The following ABLIM3 variants were observed in gnomAD, a reference collection of about 807,000 sequenced individuals.
ABLIM3 encodes the protein actin-binding LIM protein 3.
A neutral mutation model predicts 109.5 loss-of-function variants in ABLIM3; 61 were observed. That is an observed-to-expected ratio of 0.56 (90% confidence interval 0.45 to 0.69). ABLIM3 has a LOEUF of 0.69. ABLIM3 is among the 30% of genes least tolerant of loss of function. The pLI is 0.00. For missense variants in ABLIM3, 796 were observed against 889.5 expected (o/e 0.89, Z 1.34); for synonymous variants, 300 against 324.8 (o/e 0.92, Z 0.82).
At chr5:149,190,683 A>G (rs1757402423) in intron 3 of ABLIM3, among the ~76,000 whole-genome samples, 1 of 152,208 alleles carries the variant, frequency 6.6e-6, no homozygotes, top group Admixed American at 6.5e-5. Flanking sequence ...CTGTCTCAAA[A>G]CAAAACAAAA....
chr5:149,163,972 AC>A (rs1754609187), intron 2 of ABLIM3: 1 of 152,116 alleles, frequency 6.6e-6, no homozygotes, highest in South Asian at 2.1e-4. Flanking sequence ...TTTCCAACAT[AC>A]TTTTTTATTG....
chr5:149,183,418 C>A (rs6887628), intron 2 of ABLIM3, 34 bp from the exon 3 acceptor site: 505,257 of 1,479,172 alleles, frequency 0.34, 88,638 homozygotes, highest in East Asian at 0.51. Flanking sequence ...AGAATCAGGG[C>A]CTCTGGATAG....
chr5:149,258,500 C>T lies in ABLIM3; in HGVS notation c.*96C>T, dbSNP rs896661255. 2.2e-5 allele frequency: 32 copies of T among 1,423,614 alleles called. No individual in the cohort carries two copies. In the South Asian group the frequency reaches 4.8e-4, roughly 21 times the overall value. 88.2% of individuals were successfully genotyped at this position (1,423,614 alleles called of 1,614,324 possible). Reference sequence around the variant, plus strand: ...TAATCCTCTCTTGTGTAATGGGACACACTGCCTGCCATGAGACTTGCTTTT... The same window carrying T: ...TAATCCTCTCTTGTGTAATGGGACATACTGCCTGCCATGAGACTTGCTTTT... On this transcript the variant is annotated 3_prime_UTR_variant, in exon 24 of 24. Transcript: ENST00000309868.
intron 13 of ABLIM3, 65 bp downstream of exon 13, chr5:149,239,953 C>T (rs1401981679): frequency 2.6e-6 from 4 of 1,535,776 alleles, no homozygotes; most frequent in Non-Finnish European, 2.6e-6. Context: ...CACTTGGGGT[C>T]CCTGCTGCAG....
Position 149,259,890 on chromosome 5 carries a change from G to T in ABLIM3, c.*1486G>T. 2.6e-6 allele frequency: 1 copy of T among 385,660 alleles called. No individual in the cohort carries two copies. The highest frequency in any genetic ancestry group is 4.8e-6 in the Non-Finnish European group (1 of 206,608). The allele number at this position is 385,660 out of a possible 1,614,324, so 23.9% of individuals were successfully genotyped here. A position where few individuals can be genotyped will look rare whatever the true frequency, so the allele number is the denominator to read the frequency against. On this transcript the variant is annotated 3_prime_UTR_variant, in exon 24 of 24. Transcript: ENST00000309868. ...GAACAAACCCTCACTGAGCACCTCT[G>T]ATGTTGAGCACCTGCTGAATACTGA... is the stretch of plus-strand genomic sequence containing the variant.
chr5:149,193,037 A>C (rs757458973), intron 3 of ABLIM3, among the ~76,000 whole-genome samples: 106 of 152,326 alleles, frequency 7.0e-4, no homozygotes, highest in Admixed American at 8.5e-4. Context: ...TAAGAGGTAC[A>C]TCAGACAAAT....
intron 2 of ABLIM3, among the ~76,000 whole-genome samples, chr5:149,157,057 A>G (rs1041389569): frequency 6.6e-6 from 1 of 152,248 alleles, no homozygotes; most frequent in African/African-American, 2.4e-5. Context: ...TACTTCAAAT[A>G]AGATAGAGAA....
intron 5 of ABLIM3, among the ~76,000 whole-genome samples, chr5:149,203,733 A>ATTT (rs1758707560): frequency 1.3e-5 from 2 of 152,198 alleles, no homozygotes; most frequent in African/African-American, 4.8e-5. Flanking sequence ...CACTGTCACC[A>ATTT]TCATCACCAC....
At position 149,258,641 on chromosome 5, in the gene ABLIM3, G is replaced by A. The variant is rs1021169645; in HGVS notation, c.*237G>A. 8.0e-7 allele frequency: 1 copy of A among 1,245,374 alleles called. No individual in the cohort carries two copies. Among genetic ancestry groups the A allele is most frequent in the South Asian group, 2.3e-5 (1 of 43,014 alleles). The allele number at this position is 1,245,374 out of a possible 1,614,324, so 77.1% of individuals were successfully genotyped here. The stretch of plus-strand genomic sequence containing the variant: ...GAGGGGACTCTGTCCTTTTATTGGG[G>A]ATCCTTTTTATACTGAAACATCTGT... On this transcript the variant is annotated 3_prime_UTR_variant, in exon 24 of 24. Transcript: ENST00000309868.
chr5:149,255,396 A>C (rs1207654287), intron 23 of ABLIM3, among the ~76,000 whole-genome samples: 1 of 152,242 alleles, frequency 6.6e-6, no homozygotes, highest in Admixed American at 6.5e-5. Flanking sequence ...GTGTGAGAAG[A>C]CATAAGATGT....
At position 149,170,228 on chromosome 5, in the gene ABLIM3, T is replaced by TTCTCTCTCTCTCTCTCTCTC. The variant is rs10644957; in HGVS notation, c.14-13207_14-13188dup. 1.4e-3 allele frequency among the ~76,000 whole-genome samples: 170 copies of TTCTCTCTCTCTCTCTCTCTC among 124,642 alleles called. 4 individuals carry two copies. Among genetic ancestry groups the TTCTCTCTCTCTCTCTCTCTC allele is most frequent in the African/African-American group, 4.8e-3 (153 of 31,944 alleles). 81.8% of individuals were successfully genotyped at this position (124,642 alleles called of 152,430 possible). On this transcript the variant is annotated intron_variant, in intron 2 of 23. Coordinates refer to ENST00000309868, the MANE Select transcript of ABLIM3 (RefSeq NM_014945.5). ...ATGATGCATTCATTCAGGGTTCTGT[T>TTCTCTCTCTCTCTCTCTCTC]TCTCTCTCTCTCTCTCTCTCTCTCT...
intron 18 of ABLIM3, among the ~76,000 whole-genome samples, chr5:149,249,365 C>A (rs1221509855): frequency 1.3e-5 from 2 of 152,238 alleles, no homozygotes; most frequent in African/African-American, 4.8e-5. Flanking sequence ...GGCACTATCA[C>A]TCCCCATTTT....
chr5:149,153,063 A>G (rs1047900206), intron 2 of ABLIM3, among the ~76,000 whole-genome samples: 2 of 152,098 alleles, frequency 1.3e-5, no homozygotes, highest in Non-Finnish European at 2.9e-5. Context: ...CACTCTCTCT[A>G]ATAAGCCCCA....
At chr5:149,191,260 G>A (rs1342992114) in intron 3 of ABLIM3, among the ~76,000 whole-genome samples, 2 of 151,726 alleles carry the variant, frequency 1.3e-5, no homozygotes, top group Non-Finnish European at 2.9e-5. Flanking sequence ...CGCTGTAGTT[G>A]CTATTAAAAT....
rs746685732 is a variant in ABLIM3, at chr5:149,200,302, C to T, written c.336-14C>T. ...AAGAGGGTGTGTTGAATTTCTCCCT[C>T]ATCCCACTTGCAGGAAGCCTTTCCC... is the stretch of plus-strand genomic sequence containing the variant. On this transcript the variant is annotated splice_polypyrimidine_tract_variant and intron_variant, in intron 4 of 23. Coordinates refer to ENST00000309868, the MANE Select transcript of ABLIM3 (RefSeq NM_014945.5). The T allele has an allele frequency of 2.2e-5, 36 of 1,612,074 alleles. No individual in the cohort carries two copies. In the South Asian group the frequency reaches 2.3e-4, roughly 10 times the overall value.
chr5:149,254,190 T>C (rs1399777556), intron 23 of ABLIM3, among the ~76,000 whole-genome samples: 3 of 152,128 alleles, frequency 2.0e-5, no homozygotes, highest in Admixed American at 1.3e-4. Context: ...GACATATCAA[T>C]GCCCTTCGCA....
intron 8 of ABLIM3, among the ~76,000 whole-genome samples, chr5:149,228,128 T>C (rs1761501595): frequency 6.6e-6 from 1 of 152,222 alleles, no homozygotes; most frequent in Admixed American, 6.5e-5. Flanking sequence ...CAATGTGTAC[T>C]TAAACACTTT....
chr5:149,242,719 A>G, intron 15 of ABLIM3, 181 bp downstream of exon 15: 1 of 668,464 alleles, frequency 1.5e-6, no homozygotes, highest in Non-Finnish European at 2.7e-6. Flanking sequence ...TCATTTCAAA[A>G]GAACAAAGTC....
intron 8 of ABLIM3, among the ~76,000 whole-genome samples, chr5:149,229,367 A>C (rs1427910948): frequency 2.6e-5 from 4 of 152,250 alleles, no homozygotes; most frequent in African/African-American, 4.8e-5. Context: ...GTAAAATTAG[A>C]AACTTGGAGA....
Sources: gnomAD v4.1 joint callset for allele counts (sites outside exome capture counted in the v4.1 genomes callset) on GRCh38, gnomAD v4.1.1 for gene constraint, MANE v1.5 for transcripts, NCBI Gene and HGNC (gene_info 2026-07-23, HGNC 2026-07-21) for gene names.